Variants in IVNS1ABP observed in about 807,000 individuals in gnomAD.
IVNS1ABP encodes influenza virus NS1A binding protein.
IVNS1ABP carries 25 observed loss-of-function variants against 78.9 expected under a neutral mutation model. The ratio of observed to expected loss-of-function variants is 0.32; its 90% CI spans 0.23 to 0.44. The LOEUF (loss-of-function observed/expected upper bound fraction) is 0.44, where lower values mean the gene tolerates loss of function less well. Among genes scored for constraint, IVNS1ABP ranks in the 20% least tolerant of loss-of-function variants. IVNS1ABP has a pLI of 1.00. For missense variants in IVNS1ABP, 494 were observed against 768.9 expected (o/e 0.64, Z 4.23); for synonymous variants, 241 against 259.7 (o/e 0.93, Z 0.69).
Position 185,300,531 on chromosome 1 carries a change from C to G in IVNS1ABP, c.1148G>C (p.Arg383Pro). The G allele has an allele frequency of 1.2e-6, 2 of 1,613,108 alleles. No individual in the cohort carries two copies. The highest frequency in any genetic ancestry group is 8.5e-7 in the Non-Finnish European group (1 of 1,179,416). Residue 383 changes from arginine (R) to proline (P), a missense_variant, in exon 11 of 15, where the codon CGA becomes CCA. Physicochemically the swap from Arg to Pro is moderately radical, Grantham distance 103. Transcript: ENST00000367498. ...ATGTGGATTATAGCATTCGACTGTTCGAAGACATTCCTCTCTGTTATAGCC... is the reference window on the plus strand; with the variant it reads ...ATGTGGATTATAGCATTCGACTGTTGGAAGACATTCCTCTCTGTTATAGCC... ...AGGYNREECL[R>P]TVECYNPHTD...
intron 1 of IVNS1ABP, among the ~76,000 whole-genome samples, chr1:185,313,602 A>C (rs1217034672): frequency 6.6e-6 from 1 of 152,168 alleles, no homozygotes; most frequent in Non-Finnish European, 1.5e-5. Context: ...CTACTCCCCA[A>C]ATTGACGGGA....
intron 8 of IVNS1ABP, chr1:185,301,784 G>A: frequency 8.5e-6 from 3 of 351,806 alleles, no homozygotes; most frequent in Admixed American, 4.4e-5. Context: ...AATTAGCCTA[G>A]GTAAGAAAAA....
chr1:185,315,866 T>A (rs977880943), intron 1 of IVNS1ABP, among the ~76,000 whole-genome samples: 1 of 152,102 alleles, frequency 6.6e-6, no homozygotes, highest in Non-Finnish European at 1.5e-5. Flanking sequence ...CACGACACAC[T>A]CAACGAACAG....
At chr1:185,300,951 G>C in intron 10 of IVNS1ABP, 21 bp downstream of exon 10, 3 of 1,598,416 alleles carry the variant, frequency 1.9e-6, no homozygotes, top group Non-Finnish European at 2.6e-6. Context: ...TGCTTAGCCA[G>C]TTGAATGCTT....
In IVNS1ABP at chr1:185,298,364, G is replaced by T; in HGVS notation, c.1676-76C>A. ...TAAAACTCCCCTAAATCTGTCTTTT[G>T]CTTAAAAATCAGTGGTTTTAAAAAT... is the stretch of plus-strand genomic sequence containing the variant. On this transcript the variant is annotated intron_variant, in intron 14 of 14. Transcript: ENST00000367498. This position sits in a 1 kb window ranked among gnomAD's most constrained non-coding sequence, Gnocchi z 4.1. 1.5e-6 allele frequency: 2 copies of T among 1,359,928 alleles called. No homozygotes were observed. The highest frequency in any genetic ancestry group is 2.0e-6 in the Non-Finnish European group (2 of 994,150). The allele number at this position is 1,359,928 out of a possible 1,614,324, so 84.2% of individuals were successfully genotyped here. A position where few individuals can be genotyped will look rare whatever the true frequency, so the allele number is the denominator to read the frequency against.
intron 14 of IVNS1ABP, chr1:185,299,086 C>G (rs1665499228): frequency 1.3e-5 from 2 of 152,778 alleles, no homozygotes; most frequent in South Asian, 4.1e-4. Context: ...ATCTGTAAAG[C>G]ACGCTGACAA....
intron 1 of IVNS1ABP, among the ~76,000 whole-genome samples, chr1:185,313,509 C>A (rs188713348): frequency 7.9e-5 from 12 of 152,254 alleles, no homozygotes; most frequent in Admixed American, 7.8e-4. Context: ...GGGATCAGAT[C>A]AATTCCTGTC....
chr1:185,309,257 C>T (rs1416763024), intron 3 of IVNS1ABP, 85 bp from the exon 4 acceptor site: 22 of 1,217,790 alleles, frequency 1.8e-5, no homozygotes, highest in Non-Finnish European at 2.4e-5. Flanking sequence ...CTTTATCTTA[C>T]ATTTCTCAGT....
chr1:185,301,411 T>A, intron 9 of IVNS1ABP, 23 bp downstream of exon 9: 1 of 1,611,516 alleles, frequency 6.2e-7, no homozygotes, highest in East Asian at 2.2e-5. Flanking sequence ...CTGAAAACAA[T>A]CTGGCAAGTG....
rs1665880423 is a variant in IVNS1ABP, at chr1:185,311,319, T to C, written c.-243A>G. The C allele has an allele frequency of 7.5e-6, 3 of 397,694 alleles. No individual in the cohort carries two copies. The highest frequency in any genetic ancestry group is 8.9e-6 in the Non-Finnish European group (2 of 225,516). 24.6% of individuals were successfully genotyped at this position (397,694 alleles called of 1,614,324 possible). A position where few individuals can be genotyped will look rare whatever the true frequency, so the allele number is the denominator to read the frequency against. On this transcript the variant is annotated 5_prime_UTR_variant, in exon 2 of 15. An upstream start codon of the reference 5' UTR is lost. Coordinates refer to ENST00000367498, the MANE Select transcript of IVNS1ABP (RefSeq NM_006469.5). ...TTTCTTCTGTGATAATGATGCATCA[T>C]AATCTATAACAATGATAAATTTAAG...
At position 185,297,522 on chromosome 1, in the gene IVNS1ABP, A is replaced by C. The variant is rs1364961759; in HGVS notation, c.*513T>G. 1 of 153,762 alleles carries C rather than the reference A, an allele frequency of 6.5e-6. No individual in the cohort carries two copies. Among genetic ancestry groups the C allele is most frequent in the Non-Finnish European group, 1.5e-5 (1 of 68,806 alleles). 9.5% of individuals were successfully genotyped at this position (153,762 alleles called of 1,614,324 possible). A position where few individuals can be genotyped will look rare whatever the true frequency, so the allele number is the denominator to read the frequency against. Reference sequence around the variant, plus strand: ...AAAGTTATAAAAAGGCAATCATAAAAGATTAAATATTGGTAGGCATGTAAG... The same window carrying C: ...AAAGTTATAAAAAGGCAATCATAAACGATTAAATATTGGTAGGCATGTAAG... On this transcript the variant is annotated 3_prime_UTR_variant, in exon 15 of 15. Coordinates refer to ENST00000367498, the MANE Select transcript of IVNS1ABP (RefSeq NM_006469.5).
Position 185,311,249 on chromosome 1 carries a change from G to C in IVNS1ABP, c.-173C>G, listed in dbSNP as rs1665879327. 2 of 397,630 alleles carry C rather than the reference G, an allele frequency of 5.0e-6. No individual in the cohort carries two copies. Among genetic ancestry groups the C allele is most frequent in the East Asian group, 3.6e-5 (1 of 27,994 alleles). 24.6% of individuals were successfully genotyped at this position (397,630 alleles called of 1,614,324 possible). On this transcript the variant is annotated 5_prime_UTR_variant, in exon 2 of 15. Coordinates refer to ENST00000367498, the MANE Select transcript of IVNS1ABP (RefSeq NM_006469.5). ...CTAATGGTGATTCCAAAACTATCAG[G>C]CTTGAAAATGATGTAATCAAGTCCT... is the stretch of plus-strand genomic sequence containing the variant.
chr1:185,313,723 A>G (rs1418241309), intron 1 of IVNS1ABP, among the ~76,000 whole-genome samples: 1 of 152,232 alleles, frequency 6.6e-6, no homozygotes, highest in Non-Finnish European at 1.5e-5. Context: ...CCAGAGTCAT[A>G]TAAGAGTATG....
chr1:185,305,810 T>A lies in IVNS1ABP; in HGVS notation c.658-167A>T. 1 of 676,166 alleles carries A rather than the reference T, an allele frequency of 1.5e-6. No individual in the cohort carries two copies. Among genetic ancestry groups the A allele is most frequent in the Non-Finnish European group, 2.2e-6 (1 of 454,004 alleles). 41.9% of individuals were successfully genotyped at this position (676,166 alleles called of 1,614,324 possible). Reference sequence around the variant, plus strand: ...TAAAGAAAAATACATGTCATGGTGGTAAAAATTAAAAAACAAAAACAAAAA... The same window carrying A: ...TAAAGAAAAATACATGTCATGGTGGAAAAAATTAAAAAACAAAAACAAAAA... On this transcript the variant is annotated intron_variant, in intron 7 of 14. Coordinates refer to ENST00000367498, the MANE Select transcript of IVNS1ABP (RefSeq NM_006469.5). This position sits in a 1 kb window ranked among gnomAD's most constrained non-coding sequence, Gnocchi z 4.0.
Position 185,299,794 on chromosome 1 carries a change from G to A in IVNS1ABP, c.1591C>T (p.Arg531Ter). 4 of 1,613,468 alleles carry A rather than the reference G, an allele frequency of 2.5e-6. No homozygotes were observed. Among genetic ancestry groups the A allele is most frequent in the South Asian group, 1.1e-5 (1 of 91,074 alleles). ...ESWNCLNTVE[R>*]YNPENNTWTL... Reference sequence around the variant, plus strand: ...CAGGTATTATTTTCAGGATTGTATCGTTCTACTGTGTTCAGACAATTCCAA... The same window carrying A: ...CAGGTATTATTTTCAGGATTGTATCATTCTACTGTGTTCAGACAATTCCAA... Residue 531 changes from arginine to a stop codon, truncating the protein, a stop_gained, in exon 14 of 15, where the codon CGA (arginine) becomes TGA (stop). Transcript: ENST00000367498. LOFTEE classifies it high-confidence loss of function.
intron 1 of IVNS1ABP, among the ~76,000 whole-genome samples, chr1:185,316,327 T>TC (rs1179601399): frequency 2.7e-5 from 4 of 150,908 alleles, no homozygotes; most frequent in Admixed American, 2.6e-4. Context: ...GCTCCCTCCC[T>TC]CCTCCCGCCC....
Position 185,300,503 on chromosome 1 carries a change from T to A in IVNS1ABP, c.1176A>T (p.Thr392=). 1 of 1,613,646 alleles carries A rather than the reference T, an allele frequency of 6.2e-7. No individual in the cohort carries two copies. Among genetic ancestry groups the A allele is most frequent in the African/African-American group, 1.3e-5 (1 of 75,008 alleles). The change falls in exon 11 of 15, where the codon ACA becomes ACT. Residue 392 remains threonine (T), a synonymous_variant. Transcript: ENST00000367498. ...TGGGAGCAAGAAAGGACCAGTGATCTGTATGTGGATTATAGCATTCGACTG... is the reference window on the plus strand; with the variant it reads ...TGGGAGCAAGAAAGGACCAGTGATCAGTATGTGGATTATAGCATTCGACTG... ...LRTVECYNPH[T]DHWSFLAPMR...
At chr1:185,303,529 C>G (rs999609694) in intron 8 of IVNS1ABP, among the ~76,000 whole-genome samples, 1 of 152,058 alleles carries the variant, frequency 6.6e-6, no homozygotes, top group Non-Finnish European at 1.5e-5. Context: ...ATGAGTCACA[C>G]ATGTCAGAAT....
intron 5 of IVNS1ABP, chr1:185,308,035 T>C (rs1665785694): frequency 2.4e-5 from 37 of 1,547,126 alleles, no homozygotes; most frequent in Non-Finnish European, 3.2e-5. Context: ...CAATTTAATT[T>C]GGTTGGAGAA....
Sources: allele counts gnomAD v4.1 joint callset (sites outside exome capture counted in the v4.1 genomes callset), GRCh38; gene constraint gnomAD v4.1.1; non-coding constraint Gnocchi (gnomAD v3.1); transcripts MANE v1.5; gene names NCBI Gene and HGNC (gene_info 2026-07-23, HGNC 2026-07-21).